SPOCK1: variants seen among roughly 807,000 people sequenced by gnomAD.
SPOCK1 encodes the protein SPARC (osteonectin), cwcv and kazal like domains proteoglycan 1.
SPOCK1 carries 23 observed loss-of-function variants against 55.3 expected under a neutral mutation model. The ratio of observed to expected loss-of-function variants is 0.42; its 90% CI spans 0.30 to 0.59. The LOEUF (loss-of-function observed/expected upper bound fraction) is 0.59, where lower values mean the gene tolerates loss of function less well. Ranked by LOEUF, SPOCK1 falls within the 20% of genes least tolerant of loss-of-function variation. SPOCK1 has a pLI of 0.22. For missense variants in SPOCK1, 499 were observed against 552.5 expected (o/e 0.90, Z 0.97); for synonymous variants, 226 against 221.0 (o/e 1.02, Z -0.20).
chr5:137,130,612 C>T (rs1753856464), intron 4 of SPOCK1, among the ~76,000 whole-genome samples: 1 of 152,210 alleles, frequency 6.6e-6, no homozygotes, highest in African/African-American at 2.4e-5. Flanking sequence ...GCCACAGGGC[C>T]CCTTGTCACT....
At chr5:137,355,552 C>A (rs1427649284) in intron 2 of SPOCK1, among the ~76,000 whole-genome samples, 1 of 152,172 alleles carries the variant, frequency 6.6e-6, no homozygotes, top group Non-Finnish European at 1.5e-5. Flanking sequence ...TCTCAAAGAG[C>A]AATCACAAGG....
chr5:137,152,099 C>T (rs900760046), intron 3 of SPOCK1, among the ~76,000 whole-genome samples: 1 of 152,164 alleles, frequency 6.6e-6, no homozygotes, highest in Non-Finnish European at 1.5e-5. Context: ...CTTGGGGCAT[C>T]TACTATTAGA....
chr5:137,164,238 T>C (rs1016764404), intron 3 of SPOCK1, among the ~76,000 whole-genome samples: 7 of 152,284 alleles, frequency 4.6e-5, no homozygotes, highest in Admixed American at 1.3e-4. Context: ...TTTTTTTTCT[T>C]ATCCCTACCA....
intron 9 of SPOCK1, among the ~76,000 whole-genome samples, chr5:136,982,860 A>G (rs917153707): frequency 6.6e-6 from 1 of 152,160 alleles, no homozygotes; most frequent in African/African-American, 2.4e-5. Flanking sequence ...AGATGGTTTC[A>G]GAGTACCAGA....
intron 5 of SPOCK1, among the ~76,000 whole-genome samples, chr5:137,105,052 C>T (rs1481047593): frequency 6.6e-6 from 1 of 152,160 alleles, no homozygotes; most frequent in Non-Finnish European, 1.5e-5. Flanking sequence ...CTTTTCCCCA[C>T]TACCATCCAA....
At chr5:137,246,058 A>G (rs1427623332) in intron 3 of SPOCK1, among the ~76,000 whole-genome samples, 1 of 152,232 alleles carries the variant, frequency 6.6e-6, no homozygotes, top group Admixed American at 6.5e-5. Context: ...TCTATGTCCT[A>G]CTTGAACAGT....
At chr5:137,309,971 G>T (rs1417018165) in intron 2 of SPOCK1, among the ~76,000 whole-genome samples, 1 of 151,998 alleles carries the variant, frequency 6.6e-6, no homozygotes, top group African/African-American at 2.4e-5. Flanking sequence ...CATTAATCTA[G>T]TTACCGAGGA....
chr5:137,300,297 T>C (rs1008789747), intron 2 of SPOCK1, among the ~76,000 whole-genome samples: 1 of 152,214 alleles, frequency 6.6e-6, no homozygotes, highest in African/African-American at 2.4e-5. Context: ...TTTAGGTCTC[T>C]GAACATATTT....
At chr5:137,476,900 G>A (rs1753848151) in intron 2 of SPOCK1, among the ~76,000 whole-genome samples, 1 of 152,006 alleles carries the variant, frequency 6.6e-6, no homozygotes, top group Non-Finnish European at 1.5e-5. Flanking sequence ...ACTCCAGCCT[G>A]GACAACAGAA....
intron 2 of SPOCK1, among the ~76,000 whole-genome samples, chr5:137,391,051 T>C (rs1280763018): frequency 6.6e-6 from 1 of 151,822 alleles, no homozygotes; most frequent in Non-Finnish European, 1.5e-5. Flanking sequence ...ATGCCCTCCC[T>C]CCCCTTGCCC....
At chr5:137,375,555 C>A (rs1751294160) in intron 2 of SPOCK1, among the ~76,000 whole-genome samples, 1 of 152,154 alleles carries the variant, frequency 6.6e-6, no homozygotes, top group Non-Finnish European at 1.5e-5. Flanking sequence ...AAATTAAGAT[C>A]TGTGCACTTT....
At chr5:137,053,997 C>T (rs1413560473) in intron 6 of SPOCK1, among the ~76,000 whole-genome samples, 1 of 152,006 alleles carries the variant, frequency 6.6e-6, no homozygotes, top group East Asian at 1.9e-4. Context: ...TCTAGAATTC[C>T]AAGGTCTTTT....
In SPOCK1 at chr5:137,391,866, C is replaced by T. The variant is rs142761406; in HGVS notation, c.186+106507G>A. On this transcript the variant is annotated intron_variant, in intron 2 of 10. Coordinates refer to ENST00000394945, the MANE Select transcript of SPOCK1 (RefSeq NM_004598.4). ...TGCTGCCCAAAACAAAGGTCCTGGG[C>T]TTGGCTGCCAATCTCCCTGAGTGCA... Among the ~76,000 whole-genome samples the T allele has an allele frequency of 9.1e-3, 1,378 of 152,242 alleles. 10 individuals carry two copies. The highest frequency in any genetic ancestry group is 0.014 in the Admixed American group (221 of 15,290).
intron 3 of SPOCK1, among the ~76,000 whole-genome samples, chr5:137,216,460 C>T (rs1211327118): frequency 1.3e-5 from 2 of 152,200 alleles, no homozygotes; most frequent in East Asian, 1.9e-4. Flanking sequence ...CCTGTAATCC[C>T]GGCACTTTCG....
At chr5:137,240,755 AAG>A (rs543951459) in intron 3 of SPOCK1, among the ~76,000 whole-genome samples, 70 of 152,358 alleles carry the variant, frequency 4.6e-4, no homozygotes, top group Non-Finnish European at 8.8e-4. Context: ...TATAAAAAAA[AAG>A]AGAGACTCTG....
intron 7 of SPOCK1, among the ~76,000 whole-genome samples, chr5:136,991,222 G>C (rs1561572950): frequency 6.6e-6 from 1 of 151,922 alleles, no homozygotes; most frequent in Non-Finnish European, 1.5e-5. Context: ...GAAAACCCAA[G>C]GGTCAGGCTG....
intron 5 of SPOCK1, among the ~76,000 whole-genome samples, chr5:137,090,069 C>A (rs569123321): frequency 5.3e-5 from 8 of 152,202 alleles, no homozygotes; most frequent in African/African-American, 7.2e-5. Context: ...CATGGAGATA[C>A]GGAATCAACT....
At chr5:137,117,061 AG>A (rs552375224) in intron 4 of SPOCK1, among the ~76,000 whole-genome samples, 40 of 152,304 alleles carry the variant, frequency 2.6e-4, no homozygotes, top group African/African-American at 9.6e-4. Context: ...ACTTGACAAA[AG>A]GTTAAGAGGT....
chr5:137,083,626 G>GA (rs1257008613), intron 5 of SPOCK1, among the ~76,000 whole-genome samples: 1 of 152,028 alleles, frequency 6.6e-6, no homozygotes, highest in African/African-American at 2.4e-5. Flanking sequence ...CCAGGTATTA[G>GA]AAAAAAATTA....
Sources: allele counts gnomAD v4.1 joint callset (sites outside exome capture counted in the v4.1 genomes callset), GRCh38; gene constraint gnomAD v4.1.1; transcripts MANE v1.5; gene names NCBI Gene and HGNC (gene_info 2026-07-23, HGNC 2026-07-21).